The following CBFA2T2 variants were observed in gnomAD, a reference collection of about 807,000 sequenced individuals.
The protein encoded by CBFA2T2 is CBFA2/RUNX1 partner transcriptional co-repressor 2.
CBFA2T2 carries 11 observed loss-of-function variants against 62.2 expected under a neutral mutation model. The observed-to-expected ratio is 0.18, with a 90% CI of 0.11 to 0.29. CBFA2T2 has a LOEUF of 0.29. CBFA2T2 is among the 10% of genes least tolerant of loss of function. The pLI is 1.00. For synonymous variants in CBFA2T2, 295 were observed against 287.5 expected (o/e 1.03, Z -0.27); for missense variants, 592 against 774.1 (o/e 0.76, Z 2.79).
Position 33,561,251 on chromosome 20 carries a change from C to T in CBFA2T2, c.35-45705C>T, listed in dbSNP as rs181963531. On this transcript the variant is annotated intron_variant, in intron 1 of 10. Coordinates refer to ENST00000342704, the MANE Select transcript of CBFA2T2 (RefSeq NM_001032999.3). ...CTGATCTCAAACGCCTGAGCTCAAGCGACCTGACCACCTTGGCCTCCCAAA... is the reference window on the plus strand; with the variant it reads ...CTGATCTCAAACGCCTGAGCTCAAGTGACCTGACCACCTTGGCCTCCCAAA... Among the ~76,000 whole-genome samples, 21 of 152,204 alleles carry T rather than the reference C, an allele frequency of 1.4e-4. No individual in the cohort carries two copies. In the East Asian group the frequency reaches 2.7e-3, roughly 20 times the overall value.
intron 1 of CBFA2T2, among the ~76,000 whole-genome samples, chr20:33,510,409 T>G (rs1367295495): frequency 1.3e-5 from 2 of 151,884 alleles, no homozygotes; most frequent in African/African-American, 4.8e-5. Flanking sequence ...AGACGGGGTT[T>G]CAGTTGTTAG....
intron 3 of CBFA2T2, among the ~76,000 whole-genome samples, chr20:33,614,530 C>G (rs544429228): frequency 4.6e-5 from 7 of 152,250 alleles, no homozygotes; most frequent in African/African-American, 1.7e-4. Context: ...TTTCATCTTG[C>G]AAAACTGCAC....
chr20:33,562,531 T>C, intron 1 of CBFA2T2: 1 of 985,854 alleles, frequency 1.0e-6, no homozygotes, highest in Non-Finnish European at 1.2e-6. Context: ...CTGACACATG[T>C]CCAGCTAATG....
chr20:33,521,442 ATTG>A (rs780490852), intron 1 of CBFA2T2, among the ~76,000 whole-genome samples: 2 of 152,144 alleles, frequency 1.3e-5, no homozygotes, highest in Non-Finnish European at 2.9e-5. Flanking sequence ...TTATAACAAA[ATTG>A]TTGTATTTGT....
intron 1 of CBFA2T2, among the ~76,000 whole-genome samples, chr20:33,562,034 C>T (rs1009910605): frequency 3.3e-5 from 5 of 152,060 alleles, no homozygotes; most frequent in African/African-American, 9.7e-5. Context: ...TAAAAACTGG[C>T]TCAAAAAACA....
At chr20:33,598,910 A>G (rs940686463) in intron 1 of CBFA2T2, among the ~76,000 whole-genome samples, 3 of 152,154 alleles carry the variant, frequency 2.0e-5, no homozygotes, top group Non-Finnish European at 4.4e-5. Context: ...GTCTCACTTC[A>G]TTGCCCAGGC....
chr20:33,520,464 A>G (rs985538664), intron 1 of CBFA2T2, among the ~76,000 whole-genome samples: 4 of 151,980 alleles, frequency 2.6e-5, no homozygotes, highest in African/African-American at 9.7e-5. Context: ...TACTTTTTTG[A>G]TAAGCTATTG....
chr20:33,565,484 A>C (rs1438619140), intron 1 of CBFA2T2, among the ~76,000 whole-genome samples: 1 of 152,224 alleles, frequency 6.6e-6, no homozygotes, highest in Non-Finnish European at 1.5e-5. Context: ...AGGGGATTTC[A>C]TATGACTATG....
chr20:33,503,426 T>C (rs1049099413), intron 1 of CBFA2T2, among the ~76,000 whole-genome samples: 6 of 151,882 alleles, frequency 4.0e-5, no homozygotes, highest in Admixed American at 1.3e-4. Flanking sequence ...AGCTAATTTT[T>C]GTATTTTTAG....
intron 1 of CBFA2T2, among the ~76,000 whole-genome samples, chr20:33,570,911 TTC>T (rs1227742715): frequency 1.3e-5 from 2 of 152,220 alleles, no homozygotes; most frequent in African/African-American, 2.4e-5. Context: ...CAAACTGTGC[TTC>T]TGTCTCCCCA....
At chr20:33,564,982 C>T (rs974186852) in intron 1 of CBFA2T2, among the ~76,000 whole-genome samples, 6 of 152,014 alleles carry the variant, frequency 3.9e-5, no homozygotes, top group Non-Finnish European at 7.4e-5. Context: ...TGCAGCGGCG[C>T]GATCTCGACT....
At chr20:33,575,721 G>C (rs2013791041) in intron 1 of CBFA2T2, among the ~76,000 whole-genome samples, 1 of 152,086 alleles carries the variant, frequency 6.6e-6, no homozygotes. Flanking sequence ...AGACAGACAG[G>C]CACAGAAACA....
In CBFA2T2 at chr20:33,644,591, C is replaced by T. The variant is rs1457577490; in HGVS notation, c.1733C>T (p.Thr578Ile). The change falls in exon 11 of 11, where the codon ACA becomes ATA. Residue 578 changes from threonine (T) to isoleucine (I), a missense_variant. Thr to Ile is a moderately conservative substitution (Grantham distance 89). Transcript: ENST00000342704. ...SPALDKTSATTSRSSTPASVT... is the reference protein window; with the variant it reads ...SPALDKTSATISRSSTPASVT... The stretch of plus-strand genomic sequence containing the variant: ...GCCCTCGACAAGACCTCGGCAACCA[C>T]ATCGCGTTCCTCAACACCTGCTTCT... 1.9e-6 allele frequency: 3 copies of T among 1,612,832 alleles called. No individual in the cohort carries two copies. In the South Asian group the frequency reaches 3.3e-5, roughly 18 times the overall value.
chr20:33,592,611 G>C (rs1215352057), intron 1 of CBFA2T2, among the ~76,000 whole-genome samples: 1 of 152,054 alleles, frequency 6.6e-6, no homozygotes, highest in East Asian at 1.9e-4. Context: ...TGTAGTCCCA[G>C]TTACTTGGGA....
intron 1 of CBFA2T2, among the ~76,000 whole-genome samples, chr20:33,501,286 C>T (rs889327232): frequency 1.3e-5 from 2 of 152,176 alleles, no homozygotes; most frequent in African/African-American, 2.4e-5. Context: ...TGGCCTTTTC[C>T]TCTCTTACAA....
At chr20:33,509,971 G>GC (rs1255601518) in intron 1 of CBFA2T2, among the ~76,000 whole-genome samples, 1 of 151,624 alleles carries the variant, frequency 6.6e-6, no homozygotes, top group Non-Finnish European at 1.5e-5. Context: ...CCTGCCCCCT[G>GC]CCCCCCACCC....
chr20:33,494,243 G>GTGTATA (rs1491431819), intron 1 of CBFA2T2, among the ~76,000 whole-genome samples: 12 of 30,316 alleles, frequency 4.0e-4, no homozygotes, highest in African/African-American at 1.3e-3. Context: ...ATATATATGT[G>GTGTATA]TATATATATA....
chr20:33,533,083 C>T (rs1449190907), intron 1 of CBFA2T2, among the ~76,000 whole-genome samples: 2 of 152,054 alleles, frequency 1.3e-5, no homozygotes, highest in Admixed American at 6.6e-5. Context: ...TATCACTTTT[C>T]CCCCCTTACA....
chr20:33,620,638 G>A (rs2015920960), intron 4 of CBFA2T2, among the ~76,000 whole-genome samples: 1 of 152,222 alleles, frequency 6.6e-6, no homozygotes, highest in African/African-American at 2.4e-5. Flanking sequence ...TCAGGAGTTA[G>A]AGACCAGCCT....
Sources: allele counts gnomAD v4.1 joint callset (sites outside exome capture counted in the v4.1 genomes callset), GRCh38; gene constraint gnomAD v4.1.1; transcripts MANE v1.5; gene names NCBI Gene and HGNC (gene_info 2026-07-23, HGNC 2026-07-21).